Variants in KCNQ1 observed in about 807,000 individuals in gnomAD.
KCNQ1 encodes potassium voltage-gated channel subfamily KQT member 1.
Under a neutral mutation model 72.4 loss-of-function variants are expected in KCNQ1, and 49 were observed. The observed-to-expected ratio is 0.68, with a 90% CI of 0.54 to 0.86. KCNQ1 has a LOEUF of 0.86. KCNQ1 is among the 40% of genes least tolerant of loss of function. The pLI, the probability that KCNQ1 is intolerant of heterozygous loss-of-function variation, is 0.00. For synonymous variants in KCNQ1, 450 were observed against 412.6 expected, an observed-to-expected ratio of 1.09 and a Z score of -1.10; for missense variants, 790 against 945.1, an observed-to-expected ratio of 0.84 and a Z score of 2.15.
At chr11:2,739,304 A>G (rs1434600282) in intron 11 of KCNQ1, among the ~76,000 whole-genome samples, 1 of 152,166 alleles carries the variant, frequency 6.6e-6, no homozygotes. Context: ...TGGACCAACC[A>G]AAGCCACAGA....
intron 7 of KCNQ1, among the ~76,000 whole-genome samples, chr11:2,584,477 GT>G (rs1483173118): frequency 4.6e-5 from 7 of 151,554 alleles, no homozygotes. Context: ...GTGTATGTTA[GT>G]GTTAGTGTGT....
chr11:2,788,018 C>T (rs1316778743), intron 15 of KCNQ1, among the ~76,000 whole-genome samples: 1 of 152,086 alleles, frequency 6.6e-6, no homozygotes, highest in Non-Finnish European at 1.5e-5. Context: ...GAGTGTGGCT[C>T]CCCCAACGTT....
chr11:2,758,430 C>T (rs1191959859), intron 11 of KCNQ1, among the ~76,000 whole-genome samples: 1 of 152,122 alleles, frequency 6.6e-6, no homozygotes, highest in Non-Finnish European at 1.5e-5. Flanking sequence ...TGTGGAGAAA[C>T]GGGATTGCCC....
At chr11:2,546,705 T>C (rs1412107489) in intron 2 of KCNQ1, among the ~76,000 whole-genome samples, 1 of 152,242 alleles carries the variant, frequency 6.6e-6, no homozygotes, top group East Asian at 1.9e-4. Flanking sequence ...TACACAATAG[T>C]TGTACATATT....
intron 2 of KCNQ1, among the ~76,000 whole-genome samples, chr11:2,552,057 A>G (rs1847990625): frequency 6.6e-6 from 1 of 151,910 alleles, no homozygotes; most frequent in Non-Finnish European, 1.5e-5. Flanking sequence ...TTTTCTTAAC[A>G]GGATCTTTCA....
At chr11:2,771,139 G>A (rs995108278) in intron 12 of KCNQ1, among the ~76,000 whole-genome samples, 6 of 152,208 alleles carry the variant, frequency 3.9e-5, no homozygotes, top group Non-Finnish European at 5.9e-5. Context: ...GCAGAACTGC[G>A]CCACTTGGGC....
Position 2,475,591 on chromosome 11 carries a change from G to T in KCNQ1, c.386+30107G>T, listed in dbSNP as rs561411283. Among the ~76,000 whole-genome samples the T allele has an allele frequency of 3.5e-4, 54 of 152,330 alleles. 1 individual carries two copies. Among genetic ancestry groups the T allele is most frequent in the African/African-American group, 1.3e-3 (52 of 41,572 alleles). On this transcript the variant is annotated intron_variant, in intron 1 of 15. Coordinates refer to ENST00000155840, the MANE Select transcript of KCNQ1 (RefSeq NM_000218.3). The surrounding 1 kb of genome is among the most constrained non-coding windows in gnomAD (Gnocchi z 5.8). Reference sequence around the variant, plus strand: ...ATCTCAAAGAATTAGGGCAAGGAGGGCGATTCTAAATGGCTGGAGACATAG... The same window carrying T: ...ATCTCAAAGAATTAGGGCAAGGAGGTCGATTCTAAATGGCTGGAGACATAG...
Position 2,621,248 on chromosome 11 carries a change from G to A in KCNQ1, c.1393+32394G>A. The stretch of plus-strand genomic sequence containing the variant: ...GCACCTCAGCCTCCCAAAGTGCTAG[G>A]ACTACAGGCATGAGCCACCGTGCCT... On this transcript the variant is annotated intron_variant, in intron 10 of 15. Transcript: ENST00000155840. This position sits in a 1 kb window ranked among gnomAD's most constrained non-coding sequence, Gnocchi z 5.7. 2.5e-6 allele frequency: 1 copy of A among 398,246 alleles called. No individual in the cohort carries two copies. Among genetic ancestry groups the A allele is most frequent in the East Asian group, 3.6e-5 (1 of 28,072 alleles). 24.7% of individuals were successfully genotyped at this position (398,246 alleles called of 1,614,324 possible). A position where few individuals can be genotyped will look rare whatever the true frequency, so the allele number is the denominator to read the frequency against.
At position 2,595,255 on chromosome 11, in the gene KCNQ1, C is replaced by G. The variant is rs1848718815; in HGVS notation, c.1393+6401C>G. On this transcript the variant is annotated intron_variant, in intron 10 of 15. Coordinates refer to ENST00000155840, the MANE Select transcript of KCNQ1 (RefSeq NM_000218.3). This position sits in a 1 kb window ranked among gnomAD's most constrained non-coding sequence, Gnocchi z 5.0. ...ATCTGATGAACATGCAAGATGACCACTATGACTAATATATGAGTTTAGTAA... is the reference window on the plus strand; with the variant it reads ...ATCTGATGAACATGCAAGATGACCAGTATGACTAATATATGAGTTTAGTAA... Among the ~76,000 whole-genome samples the G allele has an allele frequency of 6.6e-6, 1 of 152,136 alleles. No individual in the cohort carries two copies.
intron 10 of KCNQ1, chr11:2,614,171 C>T (rs898365633): frequency 7.5e-6 from 3 of 398,418 alleles, no homozygotes; most frequent in African/African-American, 2.1e-5. Context: ...GAATCTACCC[C>T]CAAGAGGTGA....
At chr11:2,489,193 C>A (rs1846792201) in intron 1 of KCNQ1, among the ~76,000 whole-genome samples, 1 of 152,220 alleles carries the variant, frequency 6.6e-6, no homozygotes, top group African/African-American at 2.4e-5. Context: ...CACTGTGCCT[C>A]CCATCCCCCA....
rs1264283582 is a variant in KCNQ1, at chr11:2,769,252, G to C, written c.1590+333G>C. On this transcript the variant is annotated intron_variant, in intron 12 of 15. Transcript: ENST00000155840. This position sits in a 1 kb window ranked among gnomAD's most constrained non-coding sequence, Gnocchi z 4.6. ...AAGGCAGCATTAGTGAGAGATGTGAGGGTGACATCAGAATGACTCAGAGAT... is the reference window on the plus strand; with the variant it reads ...AAGGCAGCATTAGTGAGAGATGTGACGGTGACATCAGAATGACTCAGAGAT... 6.6e-6 allele frequency among the ~76,000 whole-genome samples: 1 copy of C among 152,166 alleles called. No individual in the cohort carries two copies. The highest frequency in any genetic ancestry group is 1.5e-5 in the Non-Finnish European group (1 of 68,028).
intron 15 of KCNQ1, among the ~76,000 whole-genome samples, chr11:2,820,483 G>A (rs1448302572): frequency 3.9e-5 from 6 of 152,134 alleles, no homozygotes; most frequent in Non-Finnish European, 7.3e-5. Context: ...TATATGTGTG[G>A]AGGCGGTGGA....
Position 2,767,663 on chromosome 11 carries a change from A to T in KCNQ1, c.1515-1181A>T, listed in dbSNP as rs1215626506. Reference sequence around the variant, plus strand: ...ATGTGATGGAAAGTTGGCATTGCTTAGTTTCTGGGGCTGCCTTCTAGATAG... The same window carrying T: ...ATGTGATGGAAAGTTGGCATTGCTTTGTTTCTGGGGCTGCCTTCTAGATAG... On this transcript the variant is annotated intron_variant, in intron 11 of 15. Coordinates refer to ENST00000155840, the MANE Select transcript of KCNQ1 (RefSeq NM_000218.3). This position sits in a 1 kb window ranked among gnomAD's most constrained non-coding sequence, Gnocchi z 4.6. Among the ~76,000 whole-genome samples the T allele has an allele frequency of 6.6e-6, 1 of 152,144 alleles. No individual in the cohort carries two copies. The highest frequency in any genetic ancestry group is 2.4e-5 in the African/African-American group (1 of 41,430).
intron 15 of KCNQ1, among the ~76,000 whole-genome samples, chr11:2,797,493 C>T (rs962986205): frequency 6.6e-6 from 1 of 152,218 alleles, no homozygotes; most frequent in Non-Finnish European, 1.5e-5. Flanking sequence ...TTCCAAAACC[C>T]CGCAGACTCC....
chr11:2,731,871 C>T (rs1416237597), intron 11 of KCNQ1, among the ~76,000 whole-genome samples: 1 of 152,240 alleles, frequency 6.6e-6, no homozygotes, highest in Non-Finnish European at 1.5e-5. Context: ...TGCTCACAGC[C>T]TTCACCATCA....
intron 6 of KCNQ1, among the ~76,000 whole-genome samples, chr11:2,581,898 C>G (rs1848504483): frequency 1.3e-5 from 2 of 152,202 alleles, no homozygotes; most frequent in African/African-American, 4.8e-5. Flanking sequence ...ATGTGTGTGT[C>G]TCTTAAGGAC....
chr11:2,518,701 T>C (rs1847327561), intron 1 of KCNQ1, among the ~76,000 whole-genome samples: 1 of 152,086 alleles, frequency 6.6e-6, no homozygotes, highest in African/African-American at 2.4e-5. Flanking sequence ...CGGGAGACAA[T>C]GAGGGCAGAA....
chr11:2,461,871 G>A (rs1442633264), intron 1 of KCNQ1: 2 of 495,602 alleles, frequency 4.0e-6, no homozygotes, highest in South Asian at 1.8e-5. Flanking sequence ...GGTGGACGGA[G>A]GGATGGGCAG....
Sources: gnomAD v4.1 joint callset for allele counts (sites outside exome capture counted in the v4.1 genomes callset) on GRCh38, gnomAD v4.1.1 for gene constraint, Gnocchi (gnomAD v3.1) non-coding constraint, MANE v1.5 for transcripts, NCBI Gene and HGNC (gene_info 2026-07-23, HGNC 2026-07-21) for gene names.